CDH23: variants seen among roughly 807,000 people sequenced by gnomAD.
The protein encoded by CDH23 is cadherin-23.
In CDH23, 189 loss-of-function variants were observed where a neutral mutation model predicts 317.1. The ratio of observed to expected loss-of-function variants is 0.60; its 90% confidence interval spans 0.53 to 0.67. The LOEUF (loss-of-function observed/expected upper bound fraction) is 0.67. CDH23 is among the 30% of genes least tolerant of loss of function. CDH23 has a pLI of 0.00. For synonymous variants in CDH23, 1,839 were observed against 1,876.8 expected (o/e 0.98, Z 0.52); for missense variants, 4,401 against 4,592.4 (o/e 0.96, Z 1.20).
chr10:71,680,795 C>T (rs73273987), intron 17 of CDH23, among the ~76,000 whole-genome samples: 2,128 of 136,832 alleles, frequency 0.016, 93 homozygotes, highest in African/African-American at 0.055. Flanking sequence ...ATGAAATCTA[C>T]ATCCCTCTGT....
At chr10:71,758,657 A>G (rs1426322807) in intron 38 of CDH23, among the ~76,000 whole-genome samples, 3 of 152,202 alleles carry the variant, frequency 2.0e-5, no homozygotes, top group Non-Finnish European at 4.4e-5. Flanking sequence ...AGCTTGGGCA[A>G]GTTAGCATAC....
chr10:71,651,094 G>C (rs887154297), intron 14 of CDH23, among the ~76,000 whole-genome samples: 1 of 152,214 alleles, frequency 6.6e-6, no homozygotes, highest in East Asian at 1.9e-4. Context: ...TTCACACTGA[G>C]TATTACTTGC....
At position 71,617,337 on chromosome 10, in the gene CDH23, C is replaced by T. The variant is rs185917383; in HGVS notation, c.1078C>T (p.Leu360=). Residue 360 remains leucine (L), a synonymous_variant, in exon 11 of 70, where the codon CTG becomes TTG. Transcript: ENST00000224721. The part of the protein sequence containing the change: ...SSEYSVAITE[L]AQVGFALPLF... Reference sequence around the variant, plus strand: ...CGAGTACAGCGTGGCCATCACTGAGCTGGCACAGGTCGGCTTTGCCCTTCC... The same window carrying T: ...CGAGTACAGCGTGGCCATCACTGAGTTGGCACAGGTCGGCTTTGCCCTTCC... 2,009 of 1,613,976 alleles carry T rather than the reference C, an allele frequency of 1.2e-3. 29 individuals are homozygous for T. The South Asian group carries it at 0.014, about 11-fold the overall frequency.
chr10:71,577,756 C>A (rs535100454), intron 8 of CDH23, among the ~76,000 whole-genome samples, 158 bp from the exon 9 acceptor site: 1 of 152,292 alleles, frequency 6.6e-6, no homozygotes, highest in South Asian at 2.1e-4. Flanking sequence ...GCAGTGTGTG[C>A]CCAGGGCAGC....
intron 13 of CDH23, 101 bp from the exon 14 acceptor site, chr10:71,646,358 C>A: frequency 6.5e-7 from 1 of 1,544,946 alleles, no homozygotes; most frequent in Non-Finnish European, 8.8e-7. Context: ...AACAGGTGCT[C>A]TGGGCTGGGG....
intron 6 of CDH23, among the ~76,000 whole-genome samples, chr10:71,518,058 G>GTT (rs1378457868): frequency 1.3e-5 from 2 of 149,080 alleles, no homozygotes; most frequent in East Asian, 3.9e-4. Context: ...AGTCCTGAGG[G>GTT]TTGTGTGTGT....
At chr10:71,688,701 C>T (rs111450268) in intron 19 of CDH23, among the ~76,000 whole-genome samples, 120 of 69,754 alleles carry the variant, frequency 1.7e-3, no homozygotes, top group Middle Eastern at 0.019. Context: ...GGTGGTGGAG[C>T]CAGGGGTGGT....
chr10:71,770,218 T>C (rs1840655620), intron 38 of CDH23, among the ~76,000 whole-genome samples: 1 of 152,232 alleles, frequency 6.6e-6, no homozygotes, highest in African/African-American at 2.4e-5. Context: ...TATTACACAG[T>C]ATTCACGAGG....
chr10:71,603,720 G>A (rs1017510420), intron 9 of CDH23, among the ~76,000 whole-genome samples: 1 of 152,234 alleles, frequency 6.6e-6, no homozygotes, highest in African/African-American at 2.4e-5. Flanking sequence ...GGAGAGGCAA[G>A]GCCCATGGCA....
At chr10:71,443,142 T>C (rs980734172) in intron 2 of CDH23, among the ~76,000 whole-genome samples, 1 of 152,194 alleles carries the variant, frequency 6.6e-6, no homozygotes, top group African/African-American at 2.4e-5. Context: ...CCACTGCACC[T>C]TCAGCCCCCA....
chr10:71,517,272 G>C (rs537801558), intron 6 of CDH23, among the ~76,000 whole-genome samples: 1 of 152,322 alleles, frequency 6.6e-6, no homozygotes, highest in East Asian at 1.9e-4. Flanking sequence ...TTTCACATGT[G>C]CCTTGCACTC....
At chr10:71,402,833 C>G (rs1235120898) in intron 1 of CDH23, among the ~76,000 whole-genome samples, 1 of 152,076 alleles carries the variant, frequency 6.6e-6, no homozygotes, top group African/African-American at 2.4e-5. Flanking sequence ...AAAAATCCAG[C>G]TGGCCAGGCG....
intron 6 of CDH23, among the ~76,000 whole-genome samples, chr10:71,554,086 G>C (rs1856748385): frequency 6.6e-6 from 1 of 152,236 alleles, no homozygotes; most frequent in African/African-American, 2.4e-5. Context: ...CATTATGACA[G>C]AGCCAAAGAT....
intron 14 of CDH23, among the ~76,000 whole-genome samples, chr10:71,666,300 T>C (rs1863891212): frequency 6.7e-6 from 1 of 149,626 alleles, no homozygotes; most frequent in Admixed American, 6.6e-5. Flanking sequence ...CCCCCCAATA[T>C]CTCCCCTCCA....
At chr10:71,503,049 G>T (rs202247651) in intron 3 of CDH23, among the ~76,000 whole-genome samples, 1 of 152,230 alleles carries the variant, frequency 6.6e-6, no homozygotes, top group African/African-American at 2.4e-5. Context: ...TCATCTCAGC[G>T]ATCAGCATGG....
In CDH23 at chr10:71,596,793, G is replaced by T. The variant is rs187416794; in HGVS notation, c.833-18711G>T. On this transcript the variant is annotated intron_variant, in intron 9 of 69. Transcript: ENST00000224721. ...CAGGTGGACTTGCCGTGTTGGGCAG[G>T]GGGGAGCACGTAGGATCTTACAGGA... is the stretch of plus-strand genomic sequence containing the variant. Among the ~76,000 whole-genome samples, 584 of 152,242 alleles carry T rather than the reference G, an allele frequency of 3.8e-3. 12 individuals carry two copies. Among genetic ancestry groups the T allele is most frequent in the Non-Finnish European group, 8.2e-4 (56 of 68,004 alleles).
intron 25 of CDH23, among the ~76,000 whole-genome samples, chr10:71,705,572 A>C (rs1564744990): frequency 6.6e-6 from 1 of 152,172 alleles, no homozygotes; most frequent in Non-Finnish European, 1.5e-5. Flanking sequence ...CTGGACTGGC[A>C]GTAGCAGGGC....
chr10:71,559,134 G>A (rs941541792), intron 6 of CDH23, among the ~76,000 whole-genome samples: 3 of 152,120 alleles, frequency 2.0e-5, no homozygotes, highest in Admixed American at 6.5e-5. Flanking sequence ...CTGAGATGCC[G>A]GCCTGAGCTT....
chr10:71,611,509 C>T (rs763920447), intron 9 of CDH23, among the ~76,000 whole-genome samples: 10 of 152,202 alleles, frequency 6.6e-5, no homozygotes, highest in Non-Finnish European at 1.3e-4. Flanking sequence ...AAAGCACAGG[C>T]AGCCAACATT....
Sources: gnomAD v4.1 joint callset for allele counts (sites outside exome capture counted in the v4.1 genomes callset) on GRCh38, gnomAD v4.1.1 for gene constraint, MANE v1.5 for transcripts, NCBI Gene and HGNC (gene_info 2026-07-23, HGNC 2026-07-21) for gene names.